The following VPS13B variants were observed in gnomAD, a reference collection of about 807,000 sequenced individuals.
VPS13B encodes the protein intermembrane lipid transfer protein VPS13B.
VPS13B carries 285 observed loss-of-function variants against 426.4 expected under a neutral mutation model. That is an observed-to-expected ratio of 0.67 (90% CI 0.61 to 0.74). VPS13B has a LOEUF of 0.74. Ranked by LOEUF, VPS13B falls within the 30% of genes least tolerant of loss-of-function variation. VPS13B has a pLI of 0.00. For missense variants in VPS13B, 4,537 were observed against 4,782.6 expected, an observed-to-expected ratio of 0.95 and a Z score of 1.51; for synonymous variants, 1,676 against 1,676.4, an observed-to-expected ratio of 1.00 and a Z score of 0.01.
intron 39 of VPS13B, among the ~76,000 whole-genome samples, chr8:99,755,848 TTTA>T: frequency 6.6e-6 from 1 of 152,138 alleles, no homozygotes; most frequent in South Asian, 2.1e-4. Flanking sequence ...GTTCCCTTTG[TTTA>T]TTTACAATAA....
At chr8:99,018,175 C>A (rs1400485670) in intron 2 of VPS13B, among the ~76,000 whole-genome samples, 1 of 152,054 alleles carries the variant, frequency 6.6e-6, no homozygotes, top group Non-Finnish European at 1.5e-5. Flanking sequence ...CACTTGAGGT[C>A]AGGAGTTCGA....
At chr8:99,661,900 CATAG>C (rs1830242094) in intron 35 of VPS13B, among the ~76,000 whole-genome samples, 1 of 151,968 alleles carries the variant, frequency 6.6e-6, no homozygotes, top group African/African-American at 2.4e-5. Flanking sequence ...AGATAGTATA[CATAG>C]ATAGATTAGA....
At chr8:99,445,108 C>G (rs1237765919) in intron 23 of VPS13B, among the ~76,000 whole-genome samples, 1 of 151,594 alleles carries the variant, frequency 6.6e-6, no homozygotes, top group African/African-American at 2.4e-5. Flanking sequence ...GATACGATAC[C>G]CTTACACATG....
chr8:99,586,870 C>G (rs779022278), intron 33 of VPS13B, among the ~76,000 whole-genome samples: 22 of 152,092 alleles, frequency 1.4e-4, no homozygotes, highest in Non-Finnish European at 2.9e-4. Flanking sequence ...GGTACATGTG[C>G]ACAACATGCA....
rs150767461 is a variant in VPS13B, at chr8:99,854,001, G to A, written c.10612G>A (p.Gly3538Arg). The A allele has an allele frequency of 6.7e-5, 108 of 1,614,148 alleles. No homozygotes were observed. Among genetic ancestry groups the A allele is most frequent in the African/African-American group, 4.4e-4 (33 of 75,026 alleles). ...GGCTGGTCACTCCACACACCTCTCC[G>A]GGGGTAAACAGGTGTTGCCCATGCA... ...RLAGHSTHLSGGKQVLPMQVT... is the reference protein window; with the variant it reads ...RLAGHSTHLSRGKQVLPMQVT... Residue 3538 changes from glycine to arginine, a missense_variant, in exon 56 of 62, where the codon GGG (glycine) becomes AGG (arginine). Around this residue, in one of 2 missense-constraint regions of VPS13B, gnomAD observed 4,311 missense variants for 4,474.3 expected, o/e 0.96. Coordinates refer to ENST00000357162, the MANE Select transcript of VPS13B (RefSeq NM_152564.5).
chr8:99,824,819 C>T (rs1814578973), intron 51 of VPS13B, among the ~76,000 whole-genome samples: 1 of 152,070 alleles, frequency 6.6e-6, no homozygotes, highest in African/African-American at 2.4e-5. Context: ...TGAGTGAGAA[C>T]ATGTGGTGTT....
chr8:99,560,909 G>A (rs1824883826), intron 31 of VPS13B, among the ~76,000 whole-genome samples: 1 of 152,100 alleles, frequency 6.6e-6, no homozygotes. Flanking sequence ...CAAAGAACAT[G>A]AGCCTTATTT....
intron 17 of VPS13B, among the ~76,000 whole-genome samples, chr8:99,272,761 A>G (rs1324171527): frequency 1.3e-5 from 2 of 152,184 alleles, no homozygotes; most frequent in Admixed American, 6.5e-5. Flanking sequence ...TGGTTAATTT[A>G]TAAAAATTTA....
At chr8:99,862,674 C>G (rs906583614) in intron 58 of VPS13B, among the ~76,000 whole-genome samples, 4 of 152,146 alleles carry the variant, frequency 2.6e-5, no homozygotes, top group Admixed American at 2.0e-4. Flanking sequence ...GAAGTGTGTG[C>G]CTCCCAGAGA....
At chr8:99,860,430 T>A (rs1164270891) in intron 57 of VPS13B, among the ~76,000 whole-genome samples, 1 of 152,152 alleles carries the variant, frequency 6.6e-6, no homozygotes, top group Non-Finnish European at 1.5e-5. Context: ...TGCTCACTCT[T>A]GACACTGGAA....
chr8:99,298,028 A>C (rs923579563), intron 19 of VPS13B, among the ~76,000 whole-genome samples: 1 of 152,292 alleles, frequency 6.6e-6, no homozygotes, highest in African/African-American at 2.4e-5. Flanking sequence ...CCTGACAGTA[A>C]CTTTATTAAA....
At chr8:99,758,229 G>A (rs1356363876) in intron 39 of VPS13B, among the ~76,000 whole-genome samples, 1 of 152,146 alleles carries the variant, frequency 6.6e-6, no homozygotes, top group Non-Finnish European at 1.5e-5. Flanking sequence ...GAAGTTATAA[G>A]AACAATAAGA....
At chr8:99,506,977 G>A (rs1192537890) in intron 27 of VPS13B, among the ~76,000 whole-genome samples, 160 bp from the exon 28 acceptor site, 4 of 152,136 alleles carry the variant, frequency 2.6e-5, no homozygotes, top group Non-Finnish European at 4.4e-5. Context: ...GTCAGAGTGC[G>A]GTGCTAATGT....
chr8:99,188,455 A>G (rs528540870), intron 16 of VPS13B, among the ~76,000 whole-genome samples: 24 of 152,290 alleles, frequency 1.6e-4, no homozygotes, highest in African/African-American at 5.3e-4. Flanking sequence ...TATGGATCGA[A>G]TACATTTTGT....
At chr8:99,831,522 G>T (rs1395926977) in intron 51 of VPS13B, among the ~76,000 whole-genome samples, 1 of 152,084 alleles carries the variant, frequency 6.6e-6, no homozygotes, top group Non-Finnish European at 1.5e-5. Flanking sequence ...TAAAAATTAT[G>T]TTAGATTAAT....
chr8:99,057,969 T>TC (rs1303149831), intron 3 of VPS13B, among the ~76,000 whole-genome samples: 1 of 152,200 alleles, frequency 6.6e-6, no homozygotes, highest in Non-Finnish European at 1.5e-5. Context: ...TCTTTTCTAG[T>TC]TCAGTGATTT....
chr8:99,732,012 A>C (rs572230092), intron 39 of VPS13B, among the ~76,000 whole-genome samples: 1 of 152,322 alleles, frequency 6.6e-6, no homozygotes, highest in East Asian at 1.9e-4. Context: ...TGAATTAACA[A>C]GAGATTTAAC....
intron 58 of VPS13B, among the ~76,000 whole-genome samples, chr8:99,865,172 GC>G (rs1264614041): frequency 3.9e-5 from 6 of 152,150 alleles, no homozygotes; most frequent in Non-Finnish European, 8.8e-5. Flanking sequence ...ACTCCGTTTA[GC>G]CTGCAGTATT....
At chr8:99,088,492 G>T (rs1224408388) in intron 3 of VPS13B, among the ~76,000 whole-genome samples, 6 of 152,116 alleles carry the variant, frequency 3.9e-5, no homozygotes, top group African/African-American at 1.4e-4. Flanking sequence ...AATGGGAGAA[G>T]GGGAAAAAGG....
Sources: gnomAD v4.1 joint callset for allele counts (sites outside exome capture counted in the v4.1 genomes callset) on GRCh38, gnomAD v4.1.1 for gene constraint, gnomAD v4.1.1 regional missense constraint, MANE v1.5 for transcripts, NCBI Gene and HGNC (gene_info 2026-07-23, HGNC 2026-07-21) for gene names.